The following CCNH variants were observed in gnomAD, a reference collection of about 807,000 sequenced individuals.
CCNH encodes the protein cyclin H, also known as cyclin-H.
In CCNH, 31 loss-of-function variants were observed where a neutral mutation model predicts 41.9. The ratio of observed to expected loss-of-function variants is 0.74; its 90% CI spans 0.56 to 1.00. CCNH has a LOEUF of 1.00. Ranked by LOEUF, CCNH falls within the 50% of genes least tolerant of loss-of-function variation. The probability of loss-of-function intolerance (pLI) is 0.00; values close to 1 mark genes in which losing one functional copy is unlikely to be tolerated. For synonymous variants in CCNH, 138 were observed against 136.1 expected (o/e 1.01, Z -0.10); for missense variants, 362 against 388.4 (o/e 0.93, Z 0.57).
chr5:87,391,017 CAA>C, downstream of CCNH: 1 of 895,334 alleles, frequency 1.1e-6, no homozygotes, highest in Non-Finnish European at 1.8e-6. Flanking sequence ...GCTATGCAAA[CAA>C]AATCCAAGAT....
At chr5:87,389,553 CAAT>C (rs559746791), downstream of CCNH, 261 of 1,611,218 alleles carry the variant, frequency 1.6e-4, 2 homozygotes, top group South Asian at 2.7e-3. Context: ...CCTTCATTAA[CAAT>C]GATGTTTCAA....
rs956930956 is a variant in CCNH at position 87,329,442 on chromosome 5, T to TAAAAC, written c.*91-10550_*91-10546dup. Among the ~76,000 whole-genome samples, 15 of 152,040 alleles carry TAAAAC rather than the reference T, an allele frequency of 9.9e-5. 1 individual carries two copies. The highest frequency in any genetic ancestry group is 4.6e-4 in the Admixed American group (7 of 15,254). ...GGGCGACAGAGTGAGACTCCCGTCT[T>TAAAAC]AAAACAAAACAAAACAAAAACAACT... On this transcript the variant is annotated intron_variant and NMD_transcript_variant, in intron 9 of 9. Coordinates refer to the CCNH transcript ENST00000645953.
intron 9 of CCNH, among the ~76,000 whole-genome samples, chr5:87,348,051 A>G (rs1159663366): frequency 6.6e-6 from 1 of 152,002 alleles, no homozygotes; most frequent in East Asian, 1.9e-4. Flanking sequence ...CTTGCATGAA[A>G]TTCCTATCAT....
chr5:87,389,335 A>G, downstream of CCNH: 2 of 1,606,568 alleles, frequency 1.2e-6, no homozygotes, highest in Non-Finnish European at 1.7e-6. Context: ...CTGTCTCAAA[A>G]AAAACAAAAA....
chr5:87,400,511 AAG>A (rs1763321156), intron 6 of CCNH, among the ~76,000 whole-genome samples: 2 of 152,202 alleles, frequency 1.3e-5, no homozygotes, highest in Non-Finnish European at 2.9e-5. Context: ...TTAGCTTTTA[AAG>A]TGTACCCCCT....
downstream of CCNH, among the ~76,000 whole-genome samples, chr5:87,388,696 T>C (rs550039665): frequency 3.3e-5 from 5 of 152,332 alleles, no homozygotes; most frequent in East Asian, 7.7e-4. Flanking sequence ...ATTCTGAGCA[T>C]AGTCCACAGA....
intron 9 of CCNH, among the ~76,000 whole-genome samples, chr5:87,371,245 T>A (rs1191448589): frequency 6.6e-6 from 1 of 152,100 alleles, no homozygotes; most frequent in Non-Finnish European, 1.5e-5. Flanking sequence ...TTTTGTTGAT[T>A]TATTGGGCTG....
upstream of CCNH, among the ~76,000 whole-genome samples, chr5:87,378,711 TA>T (rs34112481): frequency 6.6e-6 from 1 of 152,204 alleles, no homozygotes; most frequent in African/African-American, 2.4e-5. Context: ...ATGGACTTCT[TA>T]AAAAAGATGT....
downstream of CCNH, chr5:87,393,687 G>C (rs747249454): frequency 6.6e-6 from 1 of 152,156 alleles, no homozygotes; most frequent in African/African-American, 2.4e-5. Context: ...TTATAAGGCT[G>C]TGGTGATGTG....
At chr5:87,387,037 T>A (rs1014016046), downstream of CCNH, 67 of 776,202 alleles carry the variant, frequency 8.6e-5, 2 homozygotes, top group Non-Finnish European at 1.2e-4. Flanking sequence ...AATTTTTGTC[T>A]GCCTTCCTAA....
intron 5 of CCNH, among the ~76,000 whole-genome samples, chr5:87,402,854 AAGGGTCAT>A (rs1402074807): frequency 6.6e-6 from 1 of 152,122 alleles, no homozygotes; most frequent in Non-Finnish European, 1.5e-5. Flanking sequence ...TCTTAAGCAT[AAGGGTCAT>A]AGGTTTGGTG....
At chr5:87,399,351 A>C in intron 7 of CCNH, 43 bp downstream of exon 7, 1 of 1,369,766 alleles carries the variant, frequency 7.3e-7, no homozygotes, top group Non-Finnish European at 1.0e-6. Context: ...GCTGGACTGG[A>C]TAACAGTTAT....
chr5:87,358,758 C>T (rs1053062209), intron 9 of CCNH, among the ~76,000 whole-genome samples: 2 of 152,176 alleles, frequency 1.3e-5, no homozygotes, highest in African/African-American at 2.4e-5. Context: ...TCTCTTCCTA[C>T]TATCCTCCTG....
At chr5:87,381,403 G>A (rs3827607), upstream of CCNH, among the ~76,000 whole-genome samples, 63,731 of 151,998 alleles carry the variant, frequency 0.42, 13,365 homozygotes, top group Middle Eastern at 0.49. Flanking sequence ...AGTTTAATGC[G>A]AAAGCGTCAT....
chr5:87,380,433 A>T, upstream of CCNH: 1 of 1,323,032 alleles, frequency 7.6e-7, no homozygotes, highest in Non-Finnish European at 1.1e-6. Context: ...TATTTGGGTA[A>T]ATTAAGCTTT....
At chr5:87,375,311 A>G (rs887955566), downstream of CCNH, among the ~76,000 whole-genome samples, 2 of 151,504 alleles carry the variant, frequency 1.3e-5, no homozygotes, top group East Asian at 1.9e-4. Context: ...CTCAGGCTGC[A>G]GTGCAGTGGT....
rs1764391828 is a variant in CCNH, at chr5:87,412,922, T to C, written c.-128A>G. Reference sequence around the variant, plus strand: ...CCTAGGGCGTCCGGCTAGCCGGCGCTGGCGCGCTGTCGTCACGATTACGCG... The same window carrying C: ...CCTAGGGCGTCCGGCTAGCCGGCGCCGGCGCGCTGTCGTCACGATTACGCG... On this transcript the variant is annotated 5_prime_UTR_variant, in exon 1 of 9. Transcript: ENST00000256897. 2 of 1,463,254 alleles carry C rather than the reference T, an allele frequency of 1.4e-6. No homozygotes were observed. Among genetic ancestry groups the C allele is most frequent in the Non-Finnish European group, 1.8e-6 (2 of 1,106,076 alleles). The allele number at this position is 1,463,254 out of a possible 1,614,324, so 90.6% of individuals were successfully genotyped here.
intron 5 of CCNH, among the ~76,000 whole-genome samples, chr5:87,403,506 G>T (rs1188204860): frequency 2.6e-5 from 4 of 152,178 alleles, no homozygotes; most frequent in Non-Finnish European, 4.4e-5. Flanking sequence ...GGCCAGGTAT[G>T]GTGGTGTGCA....
At chr5:87,335,698 T>G (rs1249735627) in intron 9 of CCNH, among the ~76,000 whole-genome samples, 1 of 152,180 alleles carries the variant, frequency 6.6e-6, no homozygotes, top group Admixed American at 6.5e-5. Flanking sequence ...AGTGCTGGGA[T>G]TGCAGGCATG....
Sources: allele counts gnomAD v4.1 joint callset (sites outside exome capture counted in the v4.1 genomes callset), GRCh38; gene constraint gnomAD v4.1.1; transcripts MANE v1.5; gene names NCBI Gene and HGNC (gene_info 2026-07-23, HGNC 2026-07-21).